Variants in EHMT1 observed in about 807,000 individuals in gnomAD.
The protein encoded by EHMT1 is euchromatic histone lysine methyltransferase 1.
A neutral mutation model predicts 147.2 loss-of-function variants in EHMT1; 15 were observed. The observed-to-expected ratio is 0.10, with a 90% CI of 0.07 to 0.16. The LOEUF (loss-of-function observed/expected upper bound fraction) is 0.16, where lower values mean the gene tolerates loss of function less well. Ranked by LOEUF, EHMT1 falls within the 10% of genes least tolerant of loss-of-function variation. EHMT1 has a pLI of 1.00. For synonymous variants in EHMT1, 795 were observed against 709.6 expected, an observed-to-expected ratio of 1.12 and a Z score of -1.91; for missense variants, 1,587 against 1,772.4, an observed-to-expected ratio of 0.90 and a Z score of 1.88.
chr9:137,720,605 T>G (rs1315053492), intron 3 of EHMT1, among the ~76,000 whole-genome samples: 1 of 152,164 alleles, frequency 6.6e-6, no homozygotes, highest in Non-Finnish European at 1.5e-5. Context: ...GCCCGGCCTA[T>G]TTCTGATTTT....
rs57642928 is a variant in EHMT1 at position 137,814,382 on chromosome 9, T to C, written c.3181-49T>C. 29,167 of 1,590,014 alleles carry C rather than the reference T, an allele frequency of 0.018. 4,475 individuals carry two copies. In the African/African-American group the frequency reaches 0.34, roughly 19 times the overall value. ...ACGTAGTTGTGACTGGGAGGGGAAA[T>C]GGAAGGCCTGTGCCTGCACGTCTGA... is the stretch of plus-strand genomic sequence containing the variant. On this transcript the variant is annotated intron_variant, in intron 21 of 26. Transcript: ENST00000460843.
chr9:137,817,274 G>A (rs1954994150), intron 23 of EHMT1, 165 bp from the exon 24 acceptor site: 8 of 763,580 alleles, frequency 1.0e-5, no homozygotes, highest in South Asian at 7.8e-5. Context: ...CTCCCTGAGA[G>A]TGCGAGATGC....
intron 1 of EHMT1, among the ~76,000 whole-genome samples, chr9:137,677,046 C>A (rs997653311): frequency 6.6e-6 from 1 of 152,136 alleles, no homozygotes; most frequent in Non-Finnish European, 1.5e-5. Context: ...CCAGGCTGAT[C>A]TTGAACACCT....
In EHMT1 at chr9:137,834,515, A is replaced by C. The variant is rs750450760; in HGVS notation, c.3707A>C (p.Glu1236Ala). 2 of 1,610,866 alleles carry C rather than the reference A, an allele frequency of 1.2e-6. No individual in the cohort carries two copies. Among genetic ancestry groups the C allele is most frequent in the South Asian group, 2.2e-5 (2 of 91,058 alleles). ...FFSTRLIEAG[E>A]QLGFDYGERF... is the part of the protein sequence containing the mutation. ...AGCACCCGCCTGATCGAGGCCGGCG[A>C]GCAGCTCGGGTACGCACCGCCCCGG... The change falls in exon 26 of 27, where the codon GAG (glutamate) becomes GCG (alanine). Residue 1236 changes from glutamate (E) to alanine (A), a missense_variant. Coordinates refer to ENST00000460843, the MANE Select transcript of EHMT1 (RefSeq NM_024757.5).
chr9:137,681,641 A>AG (rs1941947531), intron 1 of EHMT1, among the ~76,000 whole-genome samples: 2 of 152,110 alleles, frequency 1.3e-5, no homozygotes, highest in African/African-American at 4.8e-5. Flanking sequence ...GTCCCCAGGA[A>AG]GCCTCCCACG....
intron 10 of EHMT1, chr9:137,764,156 C>T (rs1950054412): frequency 6.6e-6 from 1 of 152,566 alleles, no homozygotes; most frequent in South Asian, 2.1e-4. Flanking sequence ...GGAGTCAGAT[C>T]CCCGTGTGAC....
intron 16 of EHMT1, among the ~76,000 whole-genome samples, chr9:137,796,959 C>T (rs574825482): frequency 6.6e-6 from 1 of 152,208 alleles, no homozygotes; most frequent in South Asian, 2.1e-4. Flanking sequence ...AGCAGGGCCT[C>T]ACACCAGTAG....
At chr9:137,675,411 G>T (rs1941151967) in intron 1 of EHMT1, among the ~76,000 whole-genome samples, 1 of 152,150 alleles carries the variant, frequency 6.6e-6, no homozygotes, top group African/African-American at 2.4e-5. Context: ...CAATAGGGGG[G>T]TTGGTGTGAG....
chr9:137,725,155 C>T (rs1049226643), intron 3 of EHMT1, among the ~76,000 whole-genome samples: 32 of 146,984 alleles, frequency 2.2e-4, no homozygotes, highest in Non-Finnish European at 3.4e-4. Flanking sequence ...GTGTGGCAGG[C>T]GTGTGGCATT....
At position 137,768,611 on chromosome 9, in the gene EHMT1, G is replaced by A. The variant is rs1406164806; in HGVS notation, c.1647+5791G>A. Among the ~76,000 whole-genome samples the A allele has an allele frequency of 7.3e-5, 9 of 123,816 alleles. No homozygotes were observed. In the South Asian group the frequency reaches 1.1e-3, roughly 14 times the overall value. The allele number at this position is 123,816 out of a possible 152,430, so 81.2% of individuals were successfully genotyped here. A position where few individuals can be genotyped will look rare whatever the true frequency, so the allele number is the denominator to read the frequency against. On this transcript the variant is annotated intron_variant, in intron 10 of 26. Transcript: ENST00000460843. ...GTCGCCCAGGCTGGAGTGCAGTGGCGGGATCTCGGCTCACTGCAAGCTCCG... is the reference window on the plus strand; with the variant it reads ...GTCGCCCAGGCTGGAGTGCAGTGGCAGGATCTCGGCTCACTGCAAGCTCCG...
chr9:137,813,233 T>G lies in EHMT1; in HGVS notation c.3035+60T>G. On this transcript the variant is annotated intron_variant, in intron 20 of 26. Transcript: ENST00000460843. This position sits in a 1 kb window ranked among gnomAD's most constrained non-coding sequence, Gnocchi z 4.9. ...CAGCGGTCAGCAGGGCTTTGGGAAC[T>G]TGCGGTGAAAGCTGCTCCTGAAGCC... The G allele has an allele frequency of 6.3e-7, 1 of 1,589,346 alleles. No individual in the cohort carries two copies. Among genetic ancestry groups the G allele is most frequent in the Non-Finnish European group, 8.5e-7 (1 of 1,173,824 alleles).
At chr9:137,749,072 G>A (rs1948773820) in intron 6 of EHMT1, among the ~76,000 whole-genome samples, 1 of 152,090 alleles carries the variant, frequency 6.6e-6, no homozygotes, top group Non-Finnish European at 1.5e-5. Flanking sequence ...TGCTGGGTGG[G>A]GGACAGGCAA....
At chr9:137,760,098 AG>A (rs1949689946) in intron 9 of EHMT1, among the ~76,000 whole-genome samples, 1 of 152,148 alleles carries the variant, frequency 6.6e-6, no homozygotes, top group African/African-American at 2.4e-5. Flanking sequence ...TGAGCCTGGG[AG>A]GGGCCAGGAG....
chr9:137,739,424 G>A (rs1009206601), intron 4 of EHMT1, among the ~76,000 whole-genome samples: 2 of 152,208 alleles, frequency 1.3e-5, no homozygotes, highest in African/African-American at 4.8e-5. Context: ...CACACTTGTA[G>A]GTTGCTGCTG....
chr9:137,739,143 A>G (rs1173267928), intron 4 of EHMT1, among the ~76,000 whole-genome samples: 1 of 151,790 alleles, frequency 6.6e-6, no homozygotes, highest in African/African-American at 2.4e-5. Flanking sequence ...AGGCCGAAGC[A>G]GGCAGATCAC....
In EHMT1 at chr9:137,812,521, C is replaced by T. The variant is rs1311966686; in HGVS notation, c.2868-485C>T. On this transcript the variant is annotated intron_variant, in intron 19 of 26. Coordinates refer to ENST00000460843, the MANE Select transcript of EHMT1 (RefSeq NM_024757.5). The stretch of plus-strand genomic sequence containing the variant: ...CTGGCCCCTACACATGGGGCTGTGC[C>T]CTCCCACATGTGGATCTCACGGTGG... Among the ~76,000 whole-genome samples, 6 of 152,304 alleles carry T rather than the reference C, an allele frequency of 3.9e-5. No homozygotes were observed. The East Asian group carries it at 1.2e-3, about 29-fold the overall frequency.
intron 1 of EHMT1, among the ~76,000 whole-genome samples, chr9:137,681,746 C>G (rs748781703): frequency 6.6e-6 from 1 of 152,154 alleles, no homozygotes; most frequent in Non-Finnish European, 1.5e-5. Context: ...CGCACACACT[C>G]ATTCTGCTTT....
At chr9:137,695,143 T>C (rs1943294076) in intron 1 of EHMT1, among the ~76,000 whole-genome samples, 1 of 152,250 alleles carries the variant, frequency 6.6e-6, no homozygotes, top group Non-Finnish European at 1.5e-5. Context: ...GCACCTGGAT[T>C]ACCGGCCGCC....
intron 1 of EHMT1, among the ~76,000 whole-genome samples, chr9:137,693,228 G>A (rs1423748123): frequency 1.3e-5 from 2 of 152,162 alleles, no homozygotes; most frequent in African/African-American, 4.8e-5. Context: ...AACAGTTCAA[G>A]TTAGCGGGTA....
Sources: gnomAD v4.1 joint callset for allele counts (sites outside exome capture counted in the v4.1 genomes callset) on GRCh38, gnomAD v4.1.1 for gene constraint, Gnocchi (gnomAD v3.1) non-coding constraint, MANE v1.5 for transcripts, NCBI Gene and HGNC (gene_info 2026-07-23, HGNC 2026-07-21) for gene names.